The following LDB3 variants were observed in gnomAD, a reference collection of about 807,000 sequenced individuals.
LDB3 encodes the protein LIM domain-binding protein 3.
Under a neutral mutation model 69.0 loss-of-function variants are expected in LDB3, and 49 were observed. The ratio of observed to expected loss-of-function variants is 0.71; its 90% CI spans 0.56 to 0.90. The LOEUF is 0.90. LDB3 is among the 40% of genes least tolerant of loss of function. The pLI is 0.00. For missense variants in LDB3, 928 were observed against 974.1 expected, an observed-to-expected ratio of 0.95 and a Z score of 0.63; for synonymous variants, 387 against 396.2, an observed-to-expected ratio of 0.98 and a Z score of 0.28.
intron 7 of LDB3, among the ~76,000 whole-genome samples, chr10:86,704,204 T>G (rs2132452834): frequency 6.6e-6 from 1 of 152,206 alleles, no homozygotes; most frequent in Admixed American, 6.5e-5. Flanking sequence ...CAACTTCATT[T>G]TAACAGGATC....
intron 5 of LDB3, among the ~76,000 whole-genome samples, chr10:86,683,988 G>A (rs1051759138): frequency 6.6e-6 from 1 of 152,242 alleles, no homozygotes. Flanking sequence ...GGAAGAGGCA[G>A]GGTCACAACT....
chr10:86,686,697 C>T (rs1416121889), intron 5 of LDB3, among the ~76,000 whole-genome samples: 2 of 151,532 alleles, frequency 1.3e-5, no homozygotes, highest in East Asian at 3.9e-4. Context: ...TCCTAGCTAC[C>T]TCAGGAGGCT....
chr10:86,682,613 G>A (rs138558880), intron 5 of LDB3, among the ~76,000 whole-genome samples: 57 of 152,274 alleles, frequency 3.7e-4, no homozygotes, highest in African/African-American at 1.1e-3. Context: ...TGTGCAATTG[G>A]CATAGCCCTC....
intron 7 of LDB3, among the ~76,000 whole-genome samples, chr10:86,704,927 G>A (rs1846391045): frequency 6.6e-6 from 1 of 151,328 alleles, no homozygotes; most frequent in African/African-American, 2.4e-5. Flanking sequence ...CGTTGGTCAG[G>A]CTGGTCTCGA....
rs1307539197 is a variant in LDB3, at chr10:86,733,291, C to G, written c.*315C>G. 1 of 367,506 alleles carries G rather than the reference C, an allele frequency of 2.7e-6. No individual in the cohort carries two copies. Among genetic ancestry groups the G allele is most frequent in the African/African-American group, 2.1e-5 (1 of 47,486 alleles). 22.8% of individuals were successfully genotyped at this position (367,506 alleles called of 1,614,324 possible). A position where few individuals can be genotyped will look rare whatever the true frequency, so the allele number is the denominator to read the frequency against. ...CAAGCAGCTTTCCCAAAGCGATACA[C>G]TTGCTTTGGTCACCAGAGGAGGACA... On this transcript the variant is annotated 3_prime_UTR_variant, in exon 14 of 14. Transcript: ENST00000361373.
At chr10:86,723,776 C>G (rs1376692497) in intron 12 of LDB3, among the ~76,000 whole-genome samples, 2 of 152,206 alleles carry the variant, frequency 1.3e-5, no homozygotes, top group African/African-American at 4.8e-5. Context: ...GATTGATGGA[C>G]TGGGATACAT....
At position 86,726,144 on chromosome 10, in the gene LDB3, C is replaced by T; in HGVS notation, c.1986C>T (p.Ile662=). 2 of 1,613,324 alleles carry T rather than the reference C, an allele frequency of 1.2e-6. No homozygotes were observed. The highest frequency in any genetic ancestry group is 1.1e-5 in the South Asian group (1 of 91,054). ...CTCTGCTTTTCATTTCAGACTACAT[C>T]AATCTGTTCAGCACCAAGTGCCATG... is the stretch of plus-strand genomic sequence containing the variant. ...DGEPYCEKDY[I]NLFSTKCHGC... is the part of the protein sequence containing the mutation. The change falls in exon 13 of 14, where the codon ATC becomes ATT. Residue 662 remains isoleucine (I), a synonymous_variant. Transcript: ENST00000361373.
rs140670584 is a variant in LDB3 at position 86,680,576 on chromosome 10, T to C, written c.321+419T>C. 2.5e-3 allele frequency among the ~76,000 whole-genome samples: 379 copies of C among 152,316 alleles called. 2 individuals carry two copies. The highest frequency in any genetic ancestry group is 8.8e-3 in the African/African-American group (365 of 41,580). On this transcript the variant is annotated intron_variant, in intron 4 of 13. Coordinates refer to ENST00000361373, the MANE Select transcript of LDB3 (RefSeq NM_007078.3). ...CCAGCTTGACGAGGACCTCCAGGTG[T>C]GGAGGGGCCTGCTGGCCTCACCCAG...
intron 12 of LDB3, among the ~76,000 whole-genome samples, chr10:86,719,262 C>T (rs902748303): frequency 3.3e-5 from 5 of 152,118 alleles, no homozygotes; most frequent in Admixed American, 1.3e-4. Context: ...TGTGGTGGCG[C>T]GTGCCTGTAG....
intron 7 of LDB3, among the ~76,000 whole-genome samples, chr10:86,704,446 G>A (rs936642098): frequency 1.4e-4 from 21 of 151,278 alleles, no homozygotes; most frequent in African/African-American, 4.9e-4. Flanking sequence ...ATGGAATTTC[G>A]CTCTTGTTGC....
At chr10:86,710,751 C>T (rs1025456083) in intron 9 of LDB3, among the ~76,000 whole-genome samples, 34 of 152,246 alleles carry the variant, frequency 2.2e-4, no homozygotes, top group Non-Finnish European at 7.3e-5. Flanking sequence ...TGAGTCAGGG[C>T]AGGCCTTGCT....
At chr10:86,711,536 G>C (rs1846665269) in intron 9 of LDB3, among the ~76,000 whole-genome samples, 1 of 152,002 alleles carries the variant, frequency 6.6e-6, no homozygotes, top group South Asian at 2.1e-4. Flanking sequence ...CCCGTATGAA[G>C]TGGGGCGTGT....
chr10:86,695,983 C>T (rs538855056), intron 7 of LDB3, among the ~76,000 whole-genome samples: 3 of 152,330 alleles, frequency 2.0e-5, no homozygotes, highest in Non-Finnish European at 4.4e-5. Flanking sequence ...TCTTTCCAAG[C>T]GTTAGGAACA....
At chr10:86,707,020 T>C (rs1174915903) in intron 8 of LDB3, among the ~76,000 whole-genome samples, 1 of 152,070 alleles carries the variant, frequency 6.6e-6, no homozygotes, top group Non-Finnish European at 1.5e-5. Context: ...TCTCTCTCTC[T>C]TTCTCACAGA....
chr10:86,697,990 G>A lies in LDB3; in HGVS notation c.896+5419G>A, dbSNP rs143233363. On this transcript the variant is annotated intron_variant, in intron 7 of 13. Transcript: ENST00000361373. ...CAAAATGAAAGCACAATATCACAAC[G>A]AGGATACTGACACTGATACAGGCAA... is the stretch of plus-strand genomic sequence containing the variant. Among the ~76,000 whole-genome samples, 161 of 152,196 alleles carry A rather than the reference G, an allele frequency of 1.1e-3. 1 individual carries two copies. In the East Asian group the frequency reaches 0.029, roughly 27 times the overall value.
rs1846453578 is a variant in LDB3, at chr10:86,706,613, G to T, written c.979G>T (p.Ala327Ser). Residue 327 changes from alanine (A) to serine (S), a missense_variant, in exon 8 of 14, where the codon GCC becomes TCC. Ala to Ser is a moderately conservative substitution (Grantham distance 99, BLOSUM62 1). Transcript: ENST00000361373. ...CGCTTCTGCCCAGCCACCTGCTGCT[G>T]CCTCTCCCAGTGCGGCTTCGCCACC... ...LPASAQPPAA[A>S]SPSAASPPLA... The T allele has an allele frequency of 6.2e-7, 1 of 1,613,024 alleles. No individual in the cohort carries two copies. Among genetic ancestry groups the T allele is most frequent in the Admixed American group, 1.7e-5 (1 of 59,992 alleles).
At chr10:86,673,727 G>A (rs554813139) in intron 2 of LDB3, among the ~76,000 whole-genome samples, 1 of 152,166 alleles carries the variant, frequency 6.6e-6, no homozygotes, top group South Asian at 2.1e-4. Context: ...TGTGGGGAGG[G>A]GGAGCTGCTG....
At chr10:86,732,458 T>C (rs1427956136) in intron 13 of LDB3, 1 of 454,828 alleles carries the variant, frequency 2.2e-6, no homozygotes, top group Non-Finnish European at 4.4e-6. Flanking sequence ...GTGGGAGAAA[T>C]AGGCTGTTGC....
rs1846173084 is a variant in LDB3 at position 86,699,679 on chromosome 10, AGG to A, written c.897-6849_897-6848del. ...TTAGCTGTAGACCAGAGAGGGCAGG[AGG>A]GGTTTGCTGGCATAACACCCCAGAA... On this transcript the variant is annotated intron_variant, in intron 7 of 13. Transcript: ENST00000361373. The surrounding 1 kb of genome is among the most constrained non-coding windows in gnomAD (Gnocchi z 4.9). 1 of 1,242,286 alleles carries A rather than the reference AGG, an allele frequency of 8.0e-7. No homozygotes were observed. The highest frequency in any genetic ancestry group is 1.0e-6 in the Non-Finnish European group (1 of 978,938). 77.0% of individuals were successfully genotyped at this position (1,242,286 alleles called of 1,614,324 possible). A position where few individuals can be genotyped will look rare whatever the true frequency, so the allele number is the denominator to read the frequency against.
Sources: gnomAD v4.1 joint callset for allele counts (sites outside exome capture counted in the v4.1 genomes callset) on GRCh38, gnomAD v4.1.1 for gene constraint, Gnocchi (gnomAD v3.1) non-coding constraint, MANE v1.5 for transcripts, NCBI Gene and HGNC (gene_info 2026-07-23, HGNC 2026-07-21) for gene names.